The following MPC2 variants were observed in gnomAD, a reference collection of about 807,000 sequenced individuals.
The protein encoded by MPC2 is mitochondrial pyruvate carrier 2, also known as brain protein 44.
In MPC2, 19 loss-of-function variants were observed where a neutral mutation model predicts 19.2. The observed-to-expected ratio is 0.99, with a 90% confidence interval of 0.69 to 1.45. MPC2 has a LOEUF of 1.45. Among genes scored for constraint, MPC2 ranks in the 40% most tolerant of loss-of-function variants. MPC2 has a pLI of 0.00. For missense variants in MPC2, 122 were observed against 153.0 expected, an observed-to-expected ratio of 0.80 and a Z score of 1.07; for synonymous variants, 61 against 54.3, an observed-to-expected ratio of 1.12 and a Z score of -0.54.
chr1:167,918,836 G>T (rs1018609065), intron 5 of MPC2, among the ~76,000 whole-genome samples: 2 of 152,020 alleles, frequency 1.3e-5, no homozygotes, highest in Non-Finnish European at 2.9e-5. Flanking sequence ...CTTGTGGTCT[G>T]CCTGCCTCGG....
chr1:167,918,096 G>C lies in MPC2; in HGVS notation c.*227C>G, dbSNP rs764788219. 2.3e-6 allele frequency: 1 copy of C among 432,126 alleles called. No individual in the cohort carries two copies. The highest frequency in any genetic ancestry group is 4.1e-6 in the Non-Finnish European group (1 of 242,676). The allele number at this position is 432,126 out of a possible 1,614,324, so 26.8% of individuals were successfully genotyped here. On this transcript the variant is annotated 3_prime_UTR_variant, in exon 6 of 6. Coordinates refer to ENST00000271373, the MANE Select transcript of MPC2 (RefSeq NM_001143674.4). ...ATACGAGCAAGTATGGTTTATTACG[G>C]ACAAATGGTAGAAAAATGTTACTAA...
intron 5 of MPC2, among the ~76,000 whole-genome samples, chr1:167,919,351 A>C (rs1670544236): frequency 6.6e-6 from 1 of 152,222 alleles, no homozygotes; most frequent in South Asian, 2.1e-4. Context: ...GTAGTATAAA[A>C]GCATAAGAAG....
intron 3 of MPC2, 96 bp downstream of exon 3, chr1:167,924,401 C>T: frequency 9.8e-7 from 1 of 1,018,018 alleles, no homozygotes; most frequent in Non-Finnish European, 1.4e-6. Context: ...ACCAAGAATA[C>T]TCTAAAGTAT....
chr1:167,919,558 C>T (rs1040622060), intron 5 of MPC2, among the ~76,000 whole-genome samples: 10 of 152,156 alleles, frequency 6.6e-5, no homozygotes. Context: ...TCCAATACTA[C>T]ATAACAATAC....
Position 167,917,223 on chromosome 1 carries a change from A to G in MPC2, c.*1100T>C, listed in dbSNP as rs1670475038. On this transcript the variant is annotated 3_prime_UTR_variant, in exon 6 of 6. Transcript: ENST00000271373. ...TAATGTATGCTCAGTCTCTCCTCACAACGGAGCCAAAGGTCACAAACATTT... is the reference window on the plus strand; with the variant it reads ...TAATGTATGCTCAGTCTCTCCTCACGACGGAGCCAAAGGTCACAAACATTT... The G allele has an allele frequency of 6.6e-6, 1 of 152,178 alleles. No individual in the cohort carries two copies. Among genetic ancestry groups the G allele is most frequent in the Non-Finnish European group, 1.5e-5 (1 of 68,032 alleles). 9.4% of individuals were successfully genotyped at this position (152,178 alleles called of 1,614,324 possible).
chr1:167,922,835 C>G (rs1391306926), intron 3 of MPC2, among the ~76,000 whole-genome samples: 2 of 152,100 alleles, frequency 1.3e-5, no homozygotes, highest in African/African-American at 4.8e-5. Context: ...TTACAACAGC[C>G]CATCACTCAA....
chr1:167,936,896 C>T, intron 1 of MPC2, 43 bp downstream of exon 1: 1 of 1,583,282 alleles, frequency 6.3e-7, no homozygotes, highest in Non-Finnish European at 8.6e-7. Flanking sequence ...CCCTCCCACC[C>T]GGCTCAGGCA....
intron 3 of MPC2, among the ~76,000 whole-genome samples, chr1:167,921,468 C>T (rs559849846): frequency 2.0e-5 from 3 of 152,236 alleles, no homozygotes; most frequent in Non-Finnish European, 2.9e-5. Context: ...GTGATCCGCC[C>T]GCCTCAACCT....
In MPC2 at chr1:167,925,428, G is replaced by A. The variant is rs1461965085; in HGVS notation, c.110-891C>T. Among the ~76,000 whole-genome samples the A allele has an allele frequency of 1.3e-3, 117 of 93,006 alleles. 1 individual carries two copies. Among genetic ancestry groups the A allele is most frequent in the Non-Finnish European group, 2.0e-3 (93 of 47,276 alleles). 61.0% of individuals were successfully genotyped at this position (93,006 alleles called of 152,430 possible). ...TATGTATGTGTATATATAATATACAGATATACATATACACATATATATATA... is the reference window on the plus strand; with the variant it reads ...TATGTATGTGTATATATAATATACAAATATACATATACACATATATATATA... On this transcript the variant is annotated intron_variant, in intron 2 of 5. Coordinates refer to ENST00000271373, the MANE Select transcript of MPC2 (RefSeq NM_001143674.4).
At chr1:167,924,877 A>G (rs1670694362) in intron 2 of MPC2, among the ~76,000 whole-genome samples, 1 of 152,178 alleles carries the variant, frequency 6.6e-6, no homozygotes, top group African/African-American at 2.4e-5. Context: ...TCTCATCCCA[A>G]ATGAAAATGA....
chr1:167,929,503 T>C lies in MPC2; in HGVS notation c.110-4966A>G, dbSNP rs115895776. ...TTTTAAATTCTAACTTTTCATAGAATTTGAGAAATTCTACAAGTGAATATC... is the reference window on the plus strand; with the variant it reads ...TTTTAAATTCTAACTTTTCATAGAACTTGAGAAATTCTACAAGTGAATATC... On this transcript the variant is annotated intron_variant, in intron 2 of 5. Coordinates refer to ENST00000271373, the MANE Select transcript of MPC2 (RefSeq NM_001143674.4). 4.9e-3 allele frequency among the ~76,000 whole-genome samples: 754 copies of C among 152,340 alleles called. 5 individuals carry two copies. The highest frequency in any genetic ancestry group is 0.017 in the African/African-American group (707 of 41,578).
At chr1:167,927,131 C>G (rs939410962) in intron 2 of MPC2, among the ~76,000 whole-genome samples, 1 of 152,192 alleles carries the variant, frequency 6.6e-6, no homozygotes, top group Non-Finnish European at 1.5e-5. Context: ...GATATTCAAA[C>G]TTTCTGTCTG....
At chr1:167,923,352 A>G (rs1670649477) in intron 3 of MPC2, among the ~76,000 whole-genome samples, 1 of 152,184 alleles carries the variant, frequency 6.6e-6, no homozygotes, top group South Asian at 2.1e-4. Flanking sequence ...ATACAATGGA[A>G]TGCTATTCAG....
At chr1:167,925,434 CATATACACATATATATATATATAT>C (rs1214575027) in intron 2 of MPC2, among the ~76,000 whole-genome samples, 1 of 72,746 alleles carries the variant, frequency 1.4e-5, no homozygotes, top group Non-Finnish European at 2.7e-5. Context: ...TACAGATATA[CATATACACATATATATATATATAT>C]ATATATATAT....
At chr1:167,923,698 A>G (rs1670658500) in intron 3 of MPC2, among the ~76,000 whole-genome samples, 2 of 151,840 alleles carry the variant, frequency 1.3e-5, no homozygotes, top group African/African-American at 2.4e-5. Context: ...ATTTTACCAC[A>G]TTAAAAAAAA....
At chr1:167,936,387 C>T (rs1671216341) in intron 1 of MPC2, 1 of 176,832 alleles carries the variant, frequency 5.7e-6, no homozygotes, top group African/African-American at 2.4e-5. Flanking sequence ...AATTCTCTTG[C>T]TTCTTTTCAC....
chr1:167,930,466 C>T (rs1051247710), intron 2 of MPC2, among the ~76,000 whole-genome samples: 1 of 152,128 alleles, frequency 6.6e-6, no homozygotes, highest in African/African-American at 2.4e-5. Context: ...GGATAAAAAA[C>T]TAGATCCCTA....
intron 4 of MPC2, 82 bp downstream of exon 4, chr1:167,920,465 A>C (rs1055285997): frequency 2.2e-6 from 3 of 1,389,082 alleles, no homozygotes; most frequent in Admixed American, 4.1e-5. Flanking sequence ...TCAAACACTA[A>C]GCCACTAAAT....
intron 3 of MPC2, among the ~76,000 whole-genome samples, chr1:167,920,912 G>A (rs1454426785): frequency 1.3e-5 from 2 of 151,996 alleles, no homozygotes; most frequent in Non-Finnish European, 1.5e-5. Flanking sequence ...TGCATTACAC[G>A]TACATATATA....
Sources: gnomAD v4.1 joint callset for allele counts (sites outside exome capture counted in the v4.1 genomes callset) on GRCh38, gnomAD v4.1.1 for gene constraint, MANE v1.5 for transcripts, NCBI Gene and HGNC (gene_info 2026-07-23, HGNC 2026-07-21) for gene names.